DCHS2: variants seen among roughly 807,000 people sequenced by gnomAD.
DCHS2 encodes dachsous cadherin-related 2, also known as protocadherin-23.
A neutral mutation model predicts 182.4 loss-of-function variants in DCHS2; 142 were observed. That is an observed-to-expected ratio of 0.78 (90% CI 0.68 to 0.89). DCHS2 has a LOEUF of 0.89. DCHS2 is among the 40% of genes least tolerant of loss of function. The pLI is 0.00. For synonymous variants in DCHS2, 1,740 were observed against 1,663.3 expected (o/e 1.05, Z -1.12); for missense variants, 4,319 against 4,198.6 (o/e 1.03, Z -0.79).
Position 154,259,656 on chromosome 4 carries a change from G to T in DCHS2, c.6678C>A (p.Cys2226Ter), listed in dbSNP as rs769987849. Reference sequence around the variant, plus strand: ...CATCCTGTATCAAGACTGCTACTTTGCAATAGGCTCTATGCCCACTACTTT... The same window carrying T: ...CATCCTGTATCAAGACTGCTACTTTTCAATAGGCTCTATGCCCACTACTTT... ...LAESSGHRAY[C>*]KVAVLIQDEN... Residue 2226 changes from cysteine (C) to a stop codon, truncating the protein, a stop_gained, in exon 15 of 20, where the codon TGC (cysteine) becomes TGA (stop). Transcript: ENST00000357232. LOFTEE classifies it high-confidence loss of function. 1.2e-6 allele frequency: 2 copies of T among 1,613,898 alleles called. No homozygotes were observed. The highest frequency in any genetic ancestry group is 1.1e-5 in the South Asian group (1 of 91,070).
chr4:154,351,880 C>T (rs1291724581), intron 3 of DCHS2, among the ~76,000 whole-genome samples: 1 of 152,158 alleles, frequency 6.6e-6, no homozygotes, highest in African/African-American at 2.4e-5. Flanking sequence ...CAGACCAGTA[C>T]CAGTCAGTGG....
At chr4:154,450,285 T>C (rs759884803) in intron 1 of DCHS2, among the ~76,000 whole-genome samples, 41 of 152,184 alleles carry the variant, frequency 2.7e-4, no homozygotes, top group Non-Finnish European at 3.8e-4. Context: ...TTAATGAGAT[T>C]TGACTTGAAC....
At chr4:154,422,761 T>C (rs10005270) in intron 1 of DCHS2, among the ~76,000 whole-genome samples, 125,442 of 152,102 alleles carry the variant, frequency 0.82, 54,331 homozygotes, top group Non-Finnish European at 0.95. Context: ...CTGTCAGGTC[T>C]TCAGATGTTC....
chr4:154,407,130 C>T (rs1732432509), intron 1 of DCHS2, among the ~76,000 whole-genome samples: 1 of 152,154 alleles, frequency 6.6e-6, no homozygotes, highest in South Asian at 2.1e-4. Flanking sequence ...TGAGGGAGGA[C>T]AGGATACACA....
Position 154,302,936 on chromosome 4 carries a change from T to TAC in DCHS2, c.5605+1731_5605+1732dup, listed in dbSNP as rs1235507702. ...CATATATATGAAATAGATATACGTA[T>TAC]ACACACACACACACACACACACACA... On this transcript the variant is annotated intron_variant, in intron 12 of 19. Transcript: ENST00000357232. Among the ~76,000 whole-genome samples, 164 of 35,438 alleles carry TAC rather than the reference T, an allele frequency of 4.6e-3. 1 individual carries two copies. Among genetic ancestry groups the TAC allele is most frequent in the African/African-American group, 0.015 (158 of 10,286 alleles). The allele number at this position is 35,438 out of a possible 152,430, so 23.2% of individuals were successfully genotyped here. A position where few individuals can be genotyped will look rare whatever the true frequency, so the allele number is the denominator to read the frequency against.
intron 1 of DCHS2, among the ~76,000 whole-genome samples, chr4:154,430,329 G>A (rs1200738455): frequency 6.6e-6 from 1 of 152,134 alleles, no homozygotes; most frequent in African/African-American, 2.4e-5. Flanking sequence ...ACTTCTGACA[G>A]GCTAAGATCA....
At chr4:154,374,927 G>A (rs780750898) in intron 2 of DCHS2, among the ~76,000 whole-genome samples, 2 of 152,156 alleles carry the variant, frequency 1.3e-5, no homozygotes, top group Non-Finnish European at 2.9e-5. Context: ...TGTAAACAAT[G>A]TAAATTGAAC....
At chr4:154,396,138 G>T (rs1468740148) in intron 1 of DCHS2, among the ~76,000 whole-genome samples, 4 of 152,018 alleles carry the variant, frequency 2.6e-5, no homozygotes, top group Non-Finnish European at 4.4e-5. Context: ...AAGAAGATTT[G>T]AACTCTTTCT....
intron 15 of DCHS2, among the ~76,000 whole-genome samples, chr4:154,256,902 G>A (rs1352302664): frequency 1.3e-5 from 2 of 152,146 alleles, no homozygotes; most frequent in South Asian, 2.1e-4. Context: ...CCGAAAGGCT[G>A]CAATATGCAG....
At chr4:154,242,268 G>A (rs1270651811) in intron 17 of DCHS2, among the ~76,000 whole-genome samples, 2 of 152,114 alleles carry the variant, frequency 1.3e-5, no homozygotes, top group Non-Finnish European at 1.5e-5. Flanking sequence ...GTTGTTGTTC[G>A]TATCCTGAAA....
At chr4:154,261,213 C>T (rs910025536) in intron 14 of DCHS2, among the ~76,000 whole-genome samples, 4 of 152,122 alleles carry the variant, frequency 2.6e-5, no homozygotes, top group East Asian at 3.8e-4. Flanking sequence ...ATAAGTTATG[C>T]GGTTGACATA....
chr4:154,446,181 G>A (rs1415489230), intron 1 of DCHS2, among the ~76,000 whole-genome samples: 1 of 152,156 alleles, frequency 6.6e-6, no homozygotes, highest in East Asian at 1.9e-4. Context: ...AGACTTAAAA[G>A]TCTAATCCAT....
At chr4:154,441,418 A>C (rs983042587) in intron 1 of DCHS2, among the ~76,000 whole-genome samples, 6 of 152,218 alleles carry the variant, frequency 3.9e-5, no homozygotes, top group Admixed American at 1.3e-4. Context: ...TCTTAAATCA[A>C]ATACATGTAA....
intron 1 of DCHS2, among the ~76,000 whole-genome samples, chr4:154,378,130 C>T (rs1730997203): frequency 6.6e-6 from 1 of 152,152 alleles, no homozygotes. Flanking sequence ...CAAACACTGA[C>T]ATGCCCAGAG....
intron 3 of DCHS2, among the ~76,000 whole-genome samples, chr4:154,336,065 T>G (rs1332092928): frequency 2.6e-5 from 4 of 152,192 alleles, no homozygotes. Flanking sequence ...TGCCCTGAAC[T>G]AGACCGTGTA....
chr4:154,406,457 A>G (rs760355117), intron 1 of DCHS2, among the ~76,000 whole-genome samples: 6 of 152,186 alleles, frequency 3.9e-5, no homozygotes, highest in Non-Finnish European at 7.3e-5. Flanking sequence ...AACACCTGAA[A>G]ACATCTGTCT....
chr4:154,245,164 A>T (rs1732014811), intron 16 of DCHS2, among the ~76,000 whole-genome samples: 1 of 152,174 alleles, frequency 6.6e-6, no homozygotes, highest in East Asian at 1.9e-4. Context: ...ATGAAGGTAG[A>T]TGTGCAGATA....
intron 13 of DCHS2, among the ~76,000 whole-genome samples, chr4:154,274,619 A>T (rs1414216493): frequency 1.3e-5 from 2 of 151,968 alleles, no homozygotes; most frequent in African/African-American, 4.8e-5. Context: ...GCTCAGTGTA[A>T]TTTTTCAGGA....
chr4:154,259,501 CA>C (rs1732868416), intron 15 of DCHS2, 43 bp downstream of exon 15: 10 of 439,240 alleles, frequency 2.3e-5, no homozygotes, highest in Admixed American at 7.3e-5. Context: ...CAGACACACC[CA>C]CACACACACA....
Sources: allele counts gnomAD v4.1 joint callset (sites outside exome capture counted in the v4.1 genomes callset), GRCh38; gene constraint gnomAD v4.1.1; transcripts MANE v1.5; gene names NCBI Gene and HGNC (gene_info 2026-07-23, HGNC 2026-07-21).